The following MMP17 variants were observed in gnomAD, a reference collection of about 807,000 sequenced individuals.
MMP17 encodes matrix metalloproteinase-17.
A neutral mutation model predicts 49.1 loss-of-function variants in MMP17; 54 were observed. That is an observed-to-expected ratio of 1.10 (90% CI 0.88 to 1.38). The LOEUF is 1.38. Among genes scored for constraint, MMP17 ranks in the 40% most tolerant of loss-of-function variants. The pLI, the probability that MMP17 is intolerant of heterozygous loss-of-function variation, is 0.00. For synonymous variants in MMP17, 397 were observed against 383.1 expected (o/e 1.04, Z -0.42); for missense variants, 837 against 853.7 (o/e 0.98, Z 0.24).
At chr12:131,830,204 C>T (rs1298376725) in intron 1 of MMP17, among the ~76,000 whole-genome samples, 1 of 152,254 alleles carries the variant, frequency 6.6e-6, no homozygotes, top group Non-Finnish European at 1.5e-5. Flanking sequence ...TTGGAAGTTT[C>T]TCGCCACCCA....
At chr12:131,836,206 G>C (rs1013983365) in intron 1 of MMP17, among the ~76,000 whole-genome samples, 2 of 152,236 alleles carry the variant, frequency 1.3e-5, no homozygotes, top group East Asian at 1.9e-4. Flanking sequence ...ACAGAGGGGG[G>C]CCCCGGGAAG....
rs1187902053 is a variant in MMP17 at position 131,838,754 on chromosome 12, C to T, written c.422+13C>T. 1.3e-6 allele frequency: 2 copies of T among 1,539,478 alleles called. No individual in the cohort carries two copies. The highest frequency in any genetic ancestry group is 2.0e-5 in the Admixed American group (1 of 50,806). On this transcript the variant is annotated intron_variant, in intron 3 of 9. Transcript: ENST00000360564. ...ACCTGTCGTGGAGGTGGGTGTGTGGCCAGGGTGAGGAGCGGGGCCTCCGTG... is the reference window on the plus strand; with the variant it reads ...ACCTGTCGTGGAGGTGGGTGTGTGGTCAGGGTGAGGAGCGGGGCCTCCGTG...
chr12:131,849,955 G>A lies in MMP17; in HGVS notation c.1358G>A (p.Arg453His), dbSNP rs762447358. 3.1e-6 allele frequency: 5 copies of A among 1,613,990 alleles called. No homozygotes were observed. Among genetic ancestry groups the A allele is most frequent in the Admixed American group, 1.7e-5 (1 of 60,022 alleles). Residue 453 changes from arginine (R) to histidine (H), a missense_variant, in exon 9 of 10, where the codon CGC (arginine) becomes CAC (histidine). Transcript: ENST00000360564. The part of the protein sequence containing the change: ...TYFFKDQLYW[R>H]YDDHTRHMDP... ...TTCTTTAAGGACCAGCTGTACTGGCGCTACGATGACCACACGAGGCACATG... is the reference window on the plus strand; with the variant it reads ...TTCTTTAAGGACCAGCTGTACTGGCACTACGATGACCACACGAGGCACATG...
intron 5 of MMP17, among the ~76,000 whole-genome samples, chr12:131,843,070 G>A (rs893708124): frequency 6.6e-6 from 1 of 151,670 alleles, no homozygotes; most frequent in East Asian, 2.0e-4. Context: ...ATCTCGGCTC[G>A]CTGCGACCTC....
chr12:131,834,397 C>T (rs549287050), intron 1 of MMP17, among the ~76,000 whole-genome samples: 45 of 152,302 alleles, frequency 3.0e-4, no homozygotes, highest in Non-Finnish European at 5.4e-4. Flanking sequence ...CAGCGGTCTC[C>T]GTGGCGACAG....
At chr12:131,840,968 T>C (rs1887377032) in intron 4 of MMP17, 112 bp downstream of exon 4, 1 of 1,288,246 alleles carries the variant, frequency 7.8e-7, no homozygotes, top group Admixed American at 2.8e-5. Flanking sequence ...CACACGCGGC[T>C]GCTCCTGAGC....
rs1887940973 is a variant in MMP17, at chr12:131,850,969, G to A, written c.1507G>A (p.Asp503Asn). The change falls in exon 10 of 10, where the codon GAT (aspartate) becomes AAT (asparagine). Residue 503 changes from aspartate to asparagine, a missense_variant. Coordinates refer to ENST00000360564, the MANE Select transcript of MMP17 (RefSeq NM_016155.7). ...TGGCCAGGAGTACTGGAAAGTGCTG[G>A]ATGGCGAGCTGGAGGTGGCACCCGG... is the stretch of plus-strand genomic sequence containing the variant. Reference protein sequence around the residue: ...FRGQEYWKVLDGELEVAPGYP... With the variant: ...FRGQEYWKVLNGELEVAPGYP... 3 of 1,547,722 alleles carry A rather than the reference G, an allele frequency of 1.9e-6. No individual in the cohort carries two copies. The highest frequency in any genetic ancestry group is 2.8e-5 in the African/African-American group (2 of 71,940).
At chr12:131,836,328 G>A (rs1887083157) in intron 1 of MMP17, among the ~76,000 whole-genome samples, 2 of 152,296 alleles carry the variant, frequency 1.3e-5, no homozygotes, top group Middle Eastern at 6.8e-3. Context: ...GGACTTCCAG[G>A]ATGGTGGTGC....
At chr12:131,848,734 C>T (rs1887829531) in intron 8 of MMP17, among the ~76,000 whole-genome samples, 1 of 152,164 alleles carries the variant, frequency 6.6e-6, no homozygotes, top group Admixed American at 6.5e-5. Flanking sequence ...GGCTCATACA[C>T]GCGGTGGCAC....
Position 131,844,413 on chromosome 12 carries a change from G to A in MMP17, c.968+332G>A, listed in dbSNP as rs138552387. 1.1e-3 allele frequency: 439 copies of A among 389,514 alleles called. 1 individual carries two copies. Among genetic ancestry groups the A allele is most frequent in the African/African-American group, 8.8e-3 (408 of 46,586 alleles). The allele number at this position is 389,514 out of a possible 1,614,324, so 24.1% of individuals were successfully genotyped here. On this transcript the variant is annotated intron_variant, in intron 6 of 9. Transcript: ENST00000360564. ...CATCAGGAAGTCAGGCAGGGCCTGCGAGTGTCTGGCCTGTGCCCCCAGCGG... is the reference window on the plus strand; with the variant it reads ...CATCAGGAAGTCAGGCAGGGCCTGCAAGTGTCTGGCCTGTGCCCCCAGCGG...
chr12:131,845,966 G>A (rs1887684321), intron 8 of MMP17, among the ~76,000 whole-genome samples: 1 of 152,170 alleles, frequency 6.6e-6, no homozygotes, highest in Admixed American at 6.5e-5. Flanking sequence ...GGGCCGGCCT[G>A]CCTCTCCCTG....
intron 6 of MMP17, chr12:131,844,473 C>A (rs1352700264): frequency 7.1e-6 from 2 of 279,764 alleles, no homozygotes; most frequent in Non-Finnish European, 1.3e-5. Context: ...ACATCTGGTG[C>A]CAGGGCTGGG....
intron 8 of MMP17, among the ~76,000 whole-genome samples, chr12:131,847,655 T>G (rs1331134573): frequency 6.6e-6 from 1 of 152,192 alleles, no homozygotes; most frequent in Non-Finnish European, 1.5e-5. Flanking sequence ...CTCCTCCAGA[T>G]CAGGTTCTGG....
Position 131,838,413 on chromosome 12 carries a change from C to T in MMP17, c.292+86C>T, listed in dbSNP as rs1887195918. 2.0e-6 allele frequency: 3 copies of T among 1,530,326 alleles called. No homozygotes were observed. In the South Asian group the frequency reaches 3.7e-5, roughly 19 times the overall value. 94.8% of individuals were successfully genotyped at this position (1,530,326 alleles called of 1,614,324 possible). ...CATGCCCCCTCTGATCAGGCACAGT[C>T]CCGTCTTATGCTTGAATGAACCTGG... On this transcript the variant is annotated intron_variant, in intron 2 of 9. Coordinates refer to ENST00000360564, the MANE Select transcript of MMP17 (RefSeq NM_016155.7).
chr12:131,848,288 G>A (rs1887804344), intron 8 of MMP17, among the ~76,000 whole-genome samples: 2 of 152,102 alleles, frequency 1.3e-5, no homozygotes, highest in South Asian at 4.2e-4. Context: ...GGTTCACCGT[G>A]TTGGTCAGGC....
intron 1 of MMP17, among the ~76,000 whole-genome samples, chr12:131,836,596 C>T (rs1483681487): frequency 2.0e-5 from 3 of 150,892 alleles, no homozygotes; most frequent in Admixed American, 6.6e-5. Flanking sequence ...CAAAAATGGG[C>T]ACTTTCATAT....
intron 1 of MMP17, 126 bp downstream of exon 1, chr12:131,828,779 C>T (rs1345598691): frequency 1.2e-5 from 2 of 173,162 alleles, no homozygotes; most frequent in African/African-American, 4.8e-5. Flanking sequence ...CCCTGGCGCC[C>T]TGGACCCATT....
chr12:131,844,650 C>G (rs975288051), intron 6 of MMP17: 1 of 220,406 alleles, frequency 4.5e-6, no homozygotes, highest in South Asian at 7.6e-5. Context: ...GTAACCCTCC[C>G]GGTTAAAGCT....
chr12:131,833,413 G>A (rs1431247633), intron 1 of MMP17, among the ~76,000 whole-genome samples: 3 of 152,228 alleles, frequency 2.0e-5, no homozygotes, highest in Non-Finnish European at 2.9e-5. Flanking sequence ...ATGGGGTCCC[G>A]CGGTCTCAGT....
Sources: allele counts gnomAD v4.1 joint callset (sites outside exome capture counted in the v4.1 genomes callset), GRCh38; gene constraint gnomAD v4.1.1; transcripts MANE v1.5; gene names NCBI Gene and HGNC (gene_info 2026-07-23, HGNC 2026-07-21).